The following MANBAL variants were observed in gnomAD, a reference collection of about 807,000 sequenced individuals.
MANBAL encodes mannosidase beta like, also known as protein MANBAL.
In MANBAL, 1 loss-of-function variant was observed where a neutral mutation model predicts 6.4. The ratio of observed to expected loss-of-function variants is 0.16; its 90% CI spans 0.06 to 0.74. MANBAL has a LOEUF of 0.74. Among genes scored for constraint, MANBAL ranks in the 30% least tolerant of loss-of-function variants. The pLI, the probability that MANBAL is intolerant of heterozygous loss-of-function variation, is 0.78. For synonymous variants in MANBAL, 47 were observed against 45.8 expected (o/e 1.03, Z -0.10); for missense variants, 100 against 107.8 (o/e 0.93, Z 0.32).
intron 2 of MANBAL, among the ~76,000 whole-genome samples, chr20:37,302,849 C>G (rs765648082): frequency 1.3e-4 from 20 of 149,086 alleles, no homozygotes; most frequent in South Asian, 4.2e-4. Context: ...TGTCTTTGTT[C>G]TTTGTCATAC....
At chr20:37,290,504 G>C (rs2068842489) in intron 1 of MANBAL, among the ~76,000 whole-genome samples, 1 of 150,862 alleles carries the variant, frequency 6.6e-6, no homozygotes, top group Non-Finnish European at 1.5e-5. Flanking sequence ...TCTCGTCCAC[G>C]CTGAAGGGCA....
intron 1 of MANBAL, among the ~76,000 whole-genome samples, chr20:37,291,394 T>G (rs906319265): frequency 6.6e-6 from 1 of 152,214 alleles, no homozygotes; most frequent in Non-Finnish European, 1.5e-5. Context: ...CCTGGTATTA[T>G]CCAGGGCACC....
At chr20:37,291,852 C>T (rs571763977) in intron 1 of MANBAL, among the ~76,000 whole-genome samples, 20 of 152,288 alleles carry the variant, frequency 1.3e-4, no homozygotes, top group African/African-American at 4.3e-4. Flanking sequence ...TTGCCTTTTG[C>T]CGTGATTGTG....
At chr20:37,303,639 C>T (rs2069190337) in intron 2 of MANBAL, among the ~76,000 whole-genome samples, 1 of 152,164 alleles carries the variant, frequency 6.6e-6, no homozygotes, top group Non-Finnish European at 1.5e-5. Flanking sequence ...TGAAAGGATA[C>T]CAGGTATGGC....
At chr20:37,297,406 G>A (rs982290550) in intron 1 of MANBAL, 16 of 152,140 alleles carry the variant, frequency 1.1e-4, no homozygotes, top group African/African-American at 3.9e-4. Flanking sequence ...TGGCTGGGAA[G>A]AAAAAGAGCC....
chr20:37,292,721 C>G (rs1323690313), intron 1 of MANBAL, among the ~76,000 whole-genome samples: 1 of 152,210 alleles, frequency 6.6e-6, no homozygotes, highest in Non-Finnish European at 1.5e-5. Flanking sequence ...CCACTTGGCT[C>G]CTGTATCCCT....
At chr20:37,294,981 A>AC (rs1367170188) in intron 1 of MANBAL, among the ~76,000 whole-genome samples, 1 of 152,204 alleles carries the variant, frequency 6.6e-6, no homozygotes, top group Non-Finnish European at 1.5e-5. Context: ...TTAATTATGC[A>AC]CCTTTTGTTA....
At chr20:37,298,937 C>T (rs1341599423) in intron 1 of MANBAL, 2 of 152,186 alleles carry the variant, frequency 1.3e-5, no homozygotes, top group African/African-American at 4.8e-5. Flanking sequence ...GGGTCCCACT[C>T]TGTTGCCCAG....
intron 1 of MANBAL, chr20:37,298,866 A>C (rs950864381): frequency 6.6e-6 from 1 of 151,956 alleles, no homozygotes; most frequent in Non-Finnish European, 1.5e-5. Context: ...CCTTCTGAGT[A>C]GCTGGGACTA....
At chr20:37,304,986 G>A (rs2069225073) in intron 2 of MANBAL, among the ~76,000 whole-genome samples, 1 of 152,182 alleles carries the variant, frequency 6.6e-6, no homozygotes, top group South Asian at 2.1e-4. Context: ...AGCTGGAGGG[G>A]CTCCAGCATA....
chr20:37,301,524 T>C lies in MANBAL; in HGVS notation c.150+111T>C, dbSNP rs140237456. The C allele has an allele frequency of 4.9e-4, 579 of 1,178,270 alleles. 3 individuals carry two copies. In the African/African-American group the frequency reaches 7.7e-3, roughly 16 times the overall value. The allele number at this position is 1,178,270 out of a possible 1,614,324, so 73.0% of individuals were successfully genotyped here. A position where few individuals can be genotyped will look rare whatever the true frequency, so the allele number is the denominator to read the frequency against. ...CAGCAGGGTCTACATTGGGCCTTTT[T>C]GATTTAGTGTGCCTCTGAATTTCCA... On this transcript the variant is annotated intron_variant, in intron 2 of 2. Coordinates refer to ENST00000373606, the MANE Select transcript of MANBAL (RefSeq NM_001003897.2).
chr20:37,296,565 C>G (rs1324283142), intron 1 of MANBAL, among the ~76,000 whole-genome samples: 1 of 152,186 alleles, frequency 6.6e-6, no homozygotes, highest in East Asian at 1.9e-4. Context: ...TGTACCATCA[C>G]TGGGTTAACT....
chr20:37,306,015 T>G (rs1052532316), intron 2 of MANBAL, among the ~76,000 whole-genome samples: 6 of 151,966 alleles, frequency 3.9e-5, no homozygotes, highest in African/African-American at 1.5e-4. Context: ...CGGGGTACTC[T>G]TAGGGAGAAA....
In MANBAL at chr20:37,290,981, A is replaced by G. The variant is rs114028758; in HGVS notation, c.-57+1295A>G. Reference sequence around the variant, plus strand: ...CAGCTGAATTTTCACAATAGAATTTAAAGTTACTTCATTAGAAGCCAAGAA... The same window carrying G: ...CAGCTGAATTTTCACAATAGAATTTGAAGTTACTTCATTAGAAGCCAAGAA... On this transcript the variant is annotated intron_variant, in intron 1 of 2. Transcript: ENST00000373606. Among the ~76,000 whole-genome samples the G allele has an allele frequency of 7.7e-4, 118 of 152,338 alleles. 1 individual carries two copies. Among genetic ancestry groups the G allele is most frequent in the African/African-American group, 2.6e-3 (109 of 41,568 alleles).
intron 1 of MANBAL, chr20:37,298,701 G>T (rs1446419461): frequency 6.6e-6 from 1 of 151,508 alleles, no homozygotes; most frequent in Non-Finnish European, 1.5e-5. Context: ...GAATAATGCT[G>T]CTATGAACAT....
chr20:37,296,785 C>T (rs1337935915), intron 1 of MANBAL: 1 of 152,074 alleles, frequency 6.6e-6, no homozygotes, highest in East Asian at 1.9e-4. Flanking sequence ...TAAAAAAAGG[C>T]CTAAATGTAT....
chr20:37,317,003 G>A lies in MANBAL; in HGVS notation c.*588G>A, dbSNP rs149057243. ...GCAGACAGCCAGGCCAGGGTAGGCA[G>A]TGCCTGCTTCTGCTCCATCAGGTGC... On this transcript the variant is annotated 3_prime_UTR_variant, in exon 3 of 3. Coordinates refer to ENST00000373606, the MANE Select transcript of MANBAL (RefSeq NM_001003897.2). The A allele has an allele frequency of 2.6e-5, 4 of 152,882 alleles. No individual in the cohort carries two copies. Among genetic ancestry groups the A allele is most frequent in the South Asian group, 4.1e-4 (2 of 4,838 alleles). The allele number at this position is 152,882 out of a possible 1,614,324, so 9.5% of individuals were successfully genotyped here. A position where few individuals can be genotyped will look rare whatever the true frequency, so the allele number is the denominator to read the frequency against.
chr20:37,293,057 A>G (rs572819566), intron 1 of MANBAL, among the ~76,000 whole-genome samples: 1 of 152,318 alleles, frequency 6.6e-6, no homozygotes, highest in Non-Finnish European at 1.5e-5. Flanking sequence ...ACTCTTATCC[A>G]TGACTGCATG....
chr20:37,304,073 T>C (rs941045803), intron 2 of MANBAL, among the ~76,000 whole-genome samples: 1 of 152,354 alleles, frequency 6.6e-6, no homozygotes, highest in African/African-American at 2.4e-5. Flanking sequence ...CCAGTTACAC[T>C]TTTAAAATAA....
Sources: allele counts gnomAD v4.1 joint callset (sites outside exome capture counted in the v4.1 genomes callset), GRCh38; gene constraint gnomAD v4.1.1; transcripts MANE v1.5; gene names NCBI Gene and HGNC (gene_info 2026-07-23, HGNC 2026-07-21).